ATAD2B: variants seen among roughly 807,000 people sequenced by gnomAD.
ATAD2B encodes ATPase family AAA domain-containing protein 2B.
In ATAD2B, 40 loss-of-function variants were observed where a neutral mutation model predicts 167.6. The observed-to-expected ratio is 0.24, with a 90% CI of 0.19 to 0.31. The LOEUF (loss-of-function observed/expected upper bound fraction) is 0.31, where lower values mean the gene tolerates loss of function less well. ATAD2B is among the 10% of genes least tolerant of loss of function. ATAD2B has a pLI of 1.00. For synonymous variants in ATAD2B, 579 were observed against 596.5 expected (o/e 0.97, Z 0.43); for missense variants, 1,242 against 1,757.2 (o/e 0.71, Z 5.24).
At chr2:23,823,071 CATTT>C (rs10610500) in intron 16 of ATAD2B, among the ~76,000 whole-genome samples, 183 bp downstream of exon 16, 18,331 of 151,900 alleles carry the variant, frequency 0.12, 1,164 homozygotes, top group Middle Eastern at 0.22. Context: ...AACATTCATT[CATTT>C]GTCTTAAAAA....
chr2:23,708,758 G>A, the ATAD2B span: 3 of 152,308 alleles, frequency 2.0e-5, no homozygotes, highest in South Asian at 6.2e-4. Flanking sequence ...ATTGAGGGAA[G>A]GTTTAGAGTT....
At chr2:23,918,202 CAAAAAA>C (rs35163952) in intron 1 of ATAD2B, among the ~76,000 whole-genome samples, 119 of 95,958 alleles carry the variant, frequency 1.2e-3, no homozygotes, top group African/African-American at 5.0e-3. Context: ...CTTGTCTCTA[CAAAAAA>C]AAAAAAAAAA....
chr2:23,723,805 C>A, the ATAD2B span, among the ~76,000 whole-genome samples: 335 of 152,304 alleles, frequency 2.2e-3, 2 homozygotes, highest in African/African-American at 7.8e-3. Context: ...GGAAAGACAT[C>A]TGCACTCCCA....
At position 23,877,588 on chromosome 2, in the gene ATAD2B, G is replaced by A. The variant is rs1274029037; in HGVS notation, c.902-1684C>T. 3.5e-5 allele frequency among the ~76,000 whole-genome samples: 5 copies of A among 143,084 alleles called. No individual in the cohort carries two copies. The East Asian group carries it at 6.4e-4, about 18-fold the overall frequency. The allele number at this position is 143,084 out of a possible 152,430, so 93.9% of individuals were successfully genotyped here. A position where few individuals can be genotyped will look rare whatever the true frequency, so the allele number is the denominator to read the frequency against. On this transcript the variant is annotated intron_variant, in intron 7 of 27. Coordinates refer to ENST00000238789, the MANE Select transcript of ATAD2B (RefSeq NM_017552.4). ...GAGGGGAGGGGAGGGAAGGAAGGGCGGGCCGGGCACTGTGGCTCACAACTT... is the reference window on the plus strand; with the variant it reads ...GAGGGGAGGGGAGGGAAGGAAGGGCAGGCCGGGCACTGTGGCTCACAACTT...
chr2:23,710,832 C>A, the ATAD2B span, among the ~76,000 whole-genome samples: 2 of 152,172 alleles, frequency 1.3e-5, no homozygotes, highest in African/African-American at 4.8e-5. Flanking sequence ...TATGCAAATA[C>A]AAACCCCTTT....
chr2:23,700,035 T>C, the ATAD2B span, among the ~76,000 whole-genome samples: 55 of 152,308 alleles, frequency 3.6e-4, no homozygotes, highest in Middle Eastern at 6.8e-3. The surrounding 1 kb of genome is among the most constrained non-coding windows in gnomAD (Gnocchi z 4.6). Flanking sequence ...CTTGACTTCC[T>C]CTCTCCTGTG....
intron 22 of ATAD2B, among the ~76,000 whole-genome samples, chr2:23,781,444 C>T (rs1417584593): frequency 6.6e-6 from 1 of 152,102 alleles, no homozygotes; most frequent in Non-Finnish European, 1.5e-5. Flanking sequence ...GCTGGCAGAC[C>T]ACTTGAGATT....
At chr2:23,729,192 T>G in the ATAD2B span, among the ~76,000 whole-genome samples, 1 of 152,258 alleles carries the variant, frequency 6.6e-6, no homozygotes, top group Admixed American at 6.5e-5. Flanking sequence ...GGGACACAAA[T>G]CCAAACCATA....
the ATAD2B span, among the ~76,000 whole-genome samples, chr2:23,682,755 C>T: frequency 4.6e-5 from 7 of 152,310 alleles, no homozygotes; most frequent in South Asian, 2.1e-4. The surrounding 1 kb of genome is among the most constrained non-coding windows in gnomAD (Gnocchi z 4.1). Flanking sequence ...CTCCCACCCC[C>T]CTTGCTCCGG....
At chr2:23,769,479 C>T (rs575973254) in intron 22 of ATAD2B, among the ~76,000 whole-genome samples, 4 of 151,996 alleles carry the variant, frequency 2.6e-5, no homozygotes, top group Non-Finnish European at 4.4e-5. Context: ...TGAGGTAGTA[C>T]AGTCAGCCCT....
chr2:23,721,181 C>T, the ATAD2B span, among the ~76,000 whole-genome samples: 13 of 152,206 alleles, frequency 8.5e-5, no homozygotes, highest in East Asian at 2.3e-3. Flanking sequence ...GACACATTTC[C>T]AGGCCAGCAG....
chr2:23,810,300 T>C lies in ATAD2B; in HGVS notation c.2454+16A>G, dbSNP rs750284732. The C allele has an allele frequency of 1.3e-5, 21 of 1,604,062 alleles. No individual in the cohort carries two copies. In the Admixed American group the frequency reaches 2.7e-4, roughly 20 times the overall value. The stretch of plus-strand genomic sequence containing the variant: ...AATAAGAAAGTTGGAAGTGCTCTGA[T>C]GTGGTACAAACCTACCTGTGCACAT... On this transcript the variant is annotated intron_variant, in intron 18 of 27. Coordinates refer to ENST00000238789, the MANE Select transcript of ATAD2B (RefSeq NM_017552.4).
intron 6 of ATAD2B, among the ~76,000 whole-genome samples, chr2:23,881,360 CTTTTTTT>C (rs11361642): frequency 1.2e-5 from 1 of 80,210 alleles, no homozygotes; most frequent in African/African-American, 5.0e-5. Flanking sequence ...GTGATCAATT[CTTTTTTT>C]TTTTTTTTTT....
At chr2:23,921,955 G>A (rs1413316507) in intron 1 of ATAD2B, among the ~76,000 whole-genome samples, 1 of 152,086 alleles carries the variant, frequency 6.6e-6, no homozygotes, top group African/African-American at 2.4e-5. Context: ...CGACCACTCT[G>A]CTTTGTTATG....
rs569993081 is a variant in ATAD2B, at chr2:23,884,811, A to G, written c.738T>C (p.Tyr246=). The change falls in exon 6 of 28, where the codon TAT becomes TAC. Residue 246 remains tyrosine (Y), a synonymous_variant. Coordinates refer to ENST00000238789, the MANE Select transcript of ATAD2B (RefSeq NM_017552.4). ...RRRKSLRRNS[Y]GIQNHHEVST... ...AAACTTCATGATGATTTTGTATCCC[A>G]TAACTATTTCTTCTTAGTGACTTTC... 27 of 1,602,418 alleles carry G rather than the reference A, an allele frequency of 1.7e-5. No homozygotes were observed. The South Asian group carries it at 1.7e-4, about 10-fold the overall frequency.
At chr2:23,892,380 G>A (rs1042275088) in intron 2 of ATAD2B, among the ~76,000 whole-genome samples, 10 of 152,018 alleles carry the variant, frequency 6.6e-5, no homozygotes, top group Admixed American at 2.0e-4. Flanking sequence ...TAGCCAGGAT[G>A]GTCTCTATCT....
intron 13 of ATAD2B, among the ~76,000 whole-genome samples, chr2:23,836,530 T>C (rs1444599900): frequency 6.6e-6 from 1 of 152,208 alleles, no homozygotes. Context: ...TCCCGAGTTC[T>C]TGTCCTGAGT....
intron 13 of ATAD2B, among the ~76,000 whole-genome samples, chr2:23,841,562 C>A (rs1347410546): frequency 6.6e-6 from 1 of 152,112 alleles, no homozygotes; most frequent in Admixed American, 6.6e-5. Context: ...GTTGCCCAGG[C>A]TGGAGTACGG....
At chr2:23,853,363 A>G (rs1692876904) in intron 13 of ATAD2B, among the ~76,000 whole-genome samples, 2 of 152,246 alleles carry the variant, frequency 1.3e-5, no homozygotes, top group Non-Finnish European at 2.9e-5. Flanking sequence ...TAACAAATGA[A>G]TTTAGCAAGG....
Sources: gnomAD v4.1 joint callset for allele counts (sites outside exome capture counted in the v4.1 genomes callset) on GRCh38, gnomAD v4.1.1 for gene constraint, Gnocchi (gnomAD v3.1) non-coding constraint, MANE v1.5 for transcripts, NCBI Gene and HGNC (gene_info 2026-07-23, HGNC 2026-07-21) for gene names.